The following PDS5B variants were observed in gnomAD, a reference collection of about 807,000 sequenced individuals.
The protein encoded by PDS5B is sister chromatid cohesion protein PDS5 homolog B.
PDS5B carries 51 observed loss-of-function variants against 184.1 expected under a neutral mutation model. That is an observed-to-expected ratio of 0.28 (90% CI 0.22 to 0.35). PDS5B has a LOEUF of 0.35. Ranked by LOEUF, PDS5B falls within the 10% of genes least tolerant of loss-of-function variation. PDS5B has a pLI of 1.00. For missense variants in PDS5B, 1,180 were observed against 1,723.3 expected, an observed-to-expected ratio of 0.68 and a Z score of 5.58; for synonymous variants, 566 against 569.2, an observed-to-expected ratio of 0.99 and a Z score of 0.08.
intron 1 of PDS5B, among the ~76,000 whole-genome samples, chr13:32,620,517 G>A (rs1312098773): frequency 3.3e-5 from 5 of 152,148 alleles, no homozygotes; most frequent in African/African-American, 1.2e-4. Flanking sequence ...AGCTGGGTGT[G>A]GTGGCAGGTG....
At chr13:32,676,805 C>T (rs1206611320) in intron 9 of PDS5B, among the ~76,000 whole-genome samples, 1 of 151,884 alleles carries the variant, frequency 6.6e-6, no homozygotes, top group Non-Finnish European at 1.5e-5. Context: ...GTGGCAGGCA[C>T]CTGTAGTCCC....
At chr13:32,684,547 G>A (rs1951333667) in intron 11 of PDS5B, among the ~76,000 whole-genome samples, 1 of 152,270 alleles carries the variant, frequency 6.6e-6, no homozygotes, top group African/African-American at 2.4e-5. Flanking sequence ...GTACCCACTA[G>A]CTCCACTCAT....
intron 17 of PDS5B, among the ~76,000 whole-genome samples, chr13:32,705,582 G>A (rs1041686132): frequency 1.3e-5 from 2 of 151,964 alleles, no homozygotes; most frequent in Non-Finnish European, 2.9e-5. Flanking sequence ...TTGTATTTTG[G>A]TATGTTTTCT....
chr13:32,629,545 A>AC (rs138606614), intron 1 of PDS5B, among the ~76,000 whole-genome samples: 164 of 152,260 alleles, frequency 1.1e-3, no homozygotes, highest in African/African-American at 3.9e-3. Flanking sequence ...TTACTCACTG[A>AC]CCCATTAGGT....
chr13:32,707,078 C>A, intron 18 of PDS5B, 39 bp downstream of exon 18: 1 of 1,062,196 alleles, frequency 9.4e-7, no homozygotes, highest in African/African-American at 1.6e-5. Flanking sequence ...AATTAGATAT[C>A]TGTTTAACAT....
At chr13:32,719,950 C>T (rs1952612282) in intron 19 of PDS5B, among the ~76,000 whole-genome samples, 1 of 151,982 alleles carries the variant, frequency 6.6e-6, no homozygotes, top group Non-Finnish European at 1.5e-5. Flanking sequence ...GCCACCACCC[C>T]TGGCAATTTT....
In PDS5B at chr13:32,770,755, A is replaced by C; in HGVS notation, c.4166A>C (p.Lys1389Thr). Reference protein sequence around the residue: ...SKTPSPSQPKKNVRVGRSKQA... With the variant: ...SKTPSPSQPKTNVRVGRSKQA... Reference sequence around the variant, plus strand: ...ACGCCATCACCATCACAACCAAAAAAAAATGTGTAAGTTGTAAATATTACA... The same window carrying C: ...ACGCCATCACCATCACAACCAAAAACAAATGTGTAAGTTGTAAATATTACA... Residue 1389 changes from lysine to threonine, a missense_variant, in exon 33 of 35, where the codon AAA becomes ACA. Transcript: ENST00000315596. 1.9e-6 allele frequency: 3 copies of C among 1,600,032 alleles called. No homozygotes were observed. The highest frequency in any genetic ancestry group is 2.6e-6 in the Non-Finnish European group (3 of 1,172,318).
intron 19 of PDS5B, among the ~76,000 whole-genome samples, chr13:32,720,917 C>G (rs367570346): frequency 0.047 from 7,143 of 152,138 alleles, 473 homozygotes; most frequent in African/African-American, 0.15. Flanking sequence ...CCATTTAACC[C>G]TGAGTTGACA....
Position 32,614,672 on chromosome 13 carries a change from C to G in PDS5B, c.-20+28079C>G, listed in dbSNP as rs915418858. Among the ~76,000 whole-genome samples the G allele has an allele frequency of 3.3e-5, 5 of 152,294 alleles. No individual in the cohort carries two copies. The South Asian group carries it at 1.0e-3, about 32-fold the overall frequency. Reference sequence around the variant, plus strand: ...TAATTAATTTCTTATGATGTATGAACCAGGCAAAGTAGATATTACTTATTG... The same window carrying G: ...TAATTAATTTCTTATGATGTATGAAGCAGGCAAAGTAGATATTACTTATTG... On this transcript the variant is annotated intron_variant, in intron 1 of 34. Coordinates refer to ENST00000315596, the MANE Select transcript of PDS5B (RefSeq NM_015032.4).
chr13:32,705,703 A>T (rs1951989911), intron 17 of PDS5B, among the ~76,000 whole-genome samples: 1 of 152,146 alleles, frequency 6.6e-6, no homozygotes, highest in South Asian at 2.1e-4. Context: ...TTTTAGAGAT[A>T]GGGTCTCACT....
intron 7 of PDS5B, among the ~76,000 whole-genome samples, chr13:32,670,202 T>G (rs1950899610): frequency 6.6e-6 from 1 of 152,052 alleles, no homozygotes; most frequent in South Asian, 2.1e-4. Flanking sequence ...GTATAGGTTA[T>G]TTATGTATTA....
chr13:32,764,470 C>T lies in PDS5B; in HGVS notation c.3519-19C>T, dbSNP rs1273227855. 3 of 1,400,040 alleles carry T rather than the reference C, an allele frequency of 2.1e-6. No individual in the cohort carries two copies. The highest frequency in any genetic ancestry group is 3.0e-6 in the Non-Finnish European group (3 of 1,013,048). 86.7% of individuals were successfully genotyped at this position (1,400,040 alleles called of 1,614,324 possible). On this transcript the variant is annotated intron_variant, in intron 30 of 34. Transcript: ENST00000315596. ...GGTTATTTGATTGTAATAACAATTA[C>T]AAATGTCTGTATTAAAAGGCTTGAT... is the stretch of plus-strand genomic sequence containing the variant.
chr13:32,713,721 A>G (rs1345762905), intron 19 of PDS5B, among the ~76,000 whole-genome samples: 1 of 152,212 alleles, frequency 6.6e-6, no homozygotes, highest in Non-Finnish European at 1.5e-5. Context: ...AAGACAGTAG[A>G]ATAATGGGAA....
chr13:32,731,618 TA>T (rs1953125320), intron 19 of PDS5B, among the ~76,000 whole-genome samples: 1 of 151,636 alleles, frequency 6.6e-6, no homozygotes, highest in Non-Finnish European at 1.5e-5. Context: ...TGGAGCCTTT[TA>T]ATAGTCCCTG....
chr13:32,739,359 T>C (rs1953458046), intron 21 of PDS5B, among the ~76,000 whole-genome samples: 2 of 152,204 alleles, frequency 1.3e-5, no homozygotes, highest in African/African-American at 4.8e-5. Flanking sequence ...CTTTCCTTAA[T>C]GTTTTATAGT....
chr13:32,638,633 A>G (rs368121056), intron 1 of PDS5B, among the ~76,000 whole-genome samples: 26 of 129,130 alleles, frequency 2.0e-4, no homozygotes, highest in African/African-American at 7.3e-4. Flanking sequence ...TCCATCCAAT[A>G]ACAGAATATA....
chr13:32,762,004 T>C (rs1167478601), intron 30 of PDS5B, among the ~76,000 whole-genome samples: 1 of 152,242 alleles, frequency 6.6e-6, no homozygotes, highest in Non-Finnish European at 1.5e-5. Context: ...CCATTCTGAC[T>C]GATGTGAGAC....
At chr13:32,684,441 AAATG>A (rs1951330822) in intron 11 of PDS5B, among the ~76,000 whole-genome samples, 1 of 152,238 alleles carries the variant, frequency 6.6e-6, no homozygotes, top group Non-Finnish European at 1.5e-5. Context: ...ATGGAATAGA[AAATG>A]AAAGATGTTT....
chr13:32,592,277 G>A (rs1267552798), intron 1 of PDS5B, among the ~76,000 whole-genome samples: 1 of 151,984 alleles, frequency 6.6e-6, no homozygotes, highest in Non-Finnish European at 1.5e-5. Context: ...TTTTTGAGAC[G>A]GAGTTTCGCA....
Sources: gnomAD v4.1 joint callset for allele counts (sites outside exome capture counted in the v4.1 genomes callset) on GRCh38, gnomAD v4.1.1 for gene constraint, MANE v1.5 for transcripts, NCBI Gene and HGNC (gene_info 2026-07-23, HGNC 2026-07-21) for gene names.